The following ETNK1 variants were observed in gnomAD, a reference collection of about 807,000 sequenced individuals.
The protein encoded by ETNK1 is putative protein product of Nbla10396.
In ETNK1, 8 loss-of-function variants were observed where a neutral mutation model predicts 45.1. That is an observed-to-expected ratio of 0.18 (90% CI 0.10 to 0.32). ETNK1 has a LOEUF of 0.32. Among genes scored for constraint, ETNK1 ranks in the 10% least tolerant of loss-of-function variants. ETNK1 has a pLI of 1.00. For missense variants in ETNK1, 302 were observed against 430.6 expected (o/e 0.70, Z 2.64); for synonymous variants, 152 against 151.9 (o/e 1.00, Z -0.01).
chr12:22,684,801 T>C, intron 7 of ETNK1, 81 bp from the exon 8 acceptor site: 1 of 1,134,048 alleles, frequency 8.8e-7, no homozygotes, highest in African/African-American at 1.6e-5. Flanking sequence ...GAAAACCAGC[T>C]TAGAGGACTG....
chr12:22,652,056 A>G (rs1227264686), intron 2 of ETNK1, among the ~76,000 whole-genome samples: 1 of 152,008 alleles, frequency 6.6e-6, no homozygotes, highest in Non-Finnish European at 1.5e-5. Flanking sequence ...TCTACTTTCT[A>G]TCCCTAGGAA....
At chr12:22,646,479 A>G (rs1037550311) in intron 2 of ETNK1, among the ~76,000 whole-genome samples, 5 of 151,872 alleles carry the variant, frequency 3.3e-5, no homozygotes, top group Non-Finnish European at 7.4e-5. Flanking sequence ...CTGTGGTTAA[A>G]AAGAATCTTT....
At chr12:22,672,824 A>G (rs1295492889) in intron 5 of ETNK1, among the ~76,000 whole-genome samples, 2 of 152,230 alleles carry the variant, frequency 1.3e-5, no homozygotes, top group Non-Finnish European at 2.9e-5. Flanking sequence ...GGATGGCAAG[A>G]TAGTATGAAC....
chr12:22,627,025 T>C (rs1376569372), intron 1 of ETNK1, among the ~76,000 whole-genome samples: 2 of 152,188 alleles, frequency 1.3e-5, no homozygotes, highest in Non-Finnish European at 2.9e-5. Context: ...TGGTAAACTC[T>C]AGTGTTGGCA....
In ETNK1 at chr12:22,630,118, T is replaced by C. The variant is rs148439276; in HGVS notation, c.156+4532T>C. The stretch of plus-strand genomic sequence containing the variant: ...GCATAATGTGGAAAGAGGATGGTTT[T>C]TGAATATTATTTCCAGCCATTTATA... On this transcript the variant is annotated intron_variant, in intron 1 of 7. Coordinates refer to ENST00000266517, the MANE Select transcript of ETNK1 (RefSeq NM_018638.5). Among the ~76,000 whole-genome samples, 831 of 152,346 alleles carry C rather than the reference T, an allele frequency of 5.5e-3. 5 individuals carry two copies. The highest frequency in any genetic ancestry group is 0.019 in the African/African-American group (787 of 41,582).
intron 6 of ETNK1, among the ~76,000 whole-genome samples, chr12:22,678,656 C>G (rs1235921421): frequency 6.6e-6 from 1 of 152,182 alleles, no homozygotes; most frequent in Non-Finnish European, 1.5e-5. Flanking sequence ...TGTTAAAAGT[C>G]TAGTCCAATT....
intron 2 of ETNK1, among the ~76,000 whole-genome samples, chr12:22,656,040 T>G (rs1465577847): frequency 2.0e-5 from 3 of 152,232 alleles, no homozygotes; most frequent in Non-Finnish European, 1.5e-5. Context: ...AGTTAATACT[T>G]TCTCTTCTAG....
At chr12:22,665,120 TAA>T (rs1279410354) in intron 4 of ETNK1, among the ~76,000 whole-genome samples, 3 of 152,170 alleles carry the variant, frequency 2.0e-5, no homozygotes, top group African/African-American at 7.2e-5. Context: ...ATTTTGGAAC[TAA>T]ACACATTCGA....
intron 1 of ETNK1, among the ~76,000 whole-genome samples, chr12:22,641,592 A>G (rs1953737833): frequency 6.6e-6 from 1 of 152,126 alleles, no homozygotes. Flanking sequence ...TTTGCTACTA[A>G]TTTTTCCACT....
intron 6 of ETNK1, among the ~76,000 whole-genome samples, chr12:22,677,853 T>G (rs1325488967): frequency 1.3e-5 from 2 of 152,170 alleles, no homozygotes; most frequent in Non-Finnish European, 2.9e-5. Context: ...TTTTGTAAAT[T>G]GATTTTTTTT....
At chr12:22,640,389 T>C (rs1223257650) in intron 1 of ETNK1, among the ~76,000 whole-genome samples, 7 of 151,142 alleles carry the variant, frequency 4.6e-5, no homozygotes, top group Admixed American at 4.6e-4. Flanking sequence ...CTAACTAAAT[T>C]GAAAGCCTTT....
intron 2 of ETNK1, among the ~76,000 whole-genome samples, chr12:22,655,334 T>G (rs80070677): frequency 0.024 from 3,434 of 144,338 alleles, 72 homozygotes; most frequent in East Asian, 0.11. Context: ...GTTTGTTTTT[T>G]TTTTTTTTTT....
intron 3 of ETNK1, among the ~76,000 whole-genome samples, chr12:22,659,792 C>T (rs929881616): frequency 6.6e-6 from 1 of 151,916 alleles, no homozygotes; most frequent in Non-Finnish European, 1.5e-5. Flanking sequence ...TATATTTTTT[C>T]CCTAGGCTCT....
At chr12:22,681,630 G>GTA (rs139883243) in intron 6 of ETNK1, among the ~76,000 whole-genome samples, 37 of 151,194 alleles carry the variant, frequency 2.4e-4, no homozygotes, top group African/African-American at 6.1e-4. Flanking sequence ...AAACATTTAA[G>GTA]TATATATATA....
At chr12:22,651,175 G>A (rs1481645262) in intron 2 of ETNK1, among the ~76,000 whole-genome samples, 2 of 152,174 alleles carry the variant, frequency 1.3e-5, no homozygotes, top group Admixed American at 6.5e-5. Flanking sequence ...CAGAGGGCAC[G>A]GAAGATTGGT....
chr12:22,670,582 T>C (rs1954097983), intron 4 of ETNK1, among the ~76,000 whole-genome samples: 1 of 152,178 alleles, frequency 6.6e-6, no homozygotes, highest in Non-Finnish European at 1.5e-5. Context: ...TCTATTTAGC[T>C]TATGTGAAAA....
chr12:22,669,362 C>T (rs1249995732), intron 4 of ETNK1, among the ~76,000 whole-genome samples: 1 of 151,870 alleles, frequency 6.6e-6, no homozygotes, highest in Non-Finnish European at 1.5e-5. Context: ...TGTCTATCAC[C>T]TGTTAATAGT....
chr12:22,658,855 G>A (rs1312690057), intron 2 of ETNK1, among the ~76,000 whole-genome samples, 159 bp from the exon 3 acceptor site: 11 of 152,206 alleles, frequency 7.2e-5, no homozygotes. Flanking sequence ...AACTGACTCA[G>A]TAGGGTTCTT....
chr12:22,671,841 T>TAAAA (rs555930582), intron 5 of ETNK1, among the ~76,000 whole-genome samples: 26 of 98,226 alleles, frequency 2.6e-4, no homozygotes, highest in African/African-American at 1.1e-3. Flanking sequence ...TCCATCTCAT[T>TAAAA]AAAAAAAAAA....
Sources: gnomAD v4.1 joint callset for allele counts (sites outside exome capture counted in the v4.1 genomes callset) on GRCh38, gnomAD v4.1.1 for gene constraint, MANE v1.5 for transcripts, NCBI Gene and HGNC (gene_info 2026-07-23, HGNC 2026-07-21) for gene names.